TMEM132D: variants seen among roughly 807,000 people sequenced by gnomAD.
TMEM132D encodes mature OL transmembrane protein.
Under a neutral mutation model 62.3 loss-of-function variants are expected in TMEM132D, and 21 were observed. That is an observed-to-expected ratio of 0.34 (90% CI 0.24 to 0.49). The LOEUF (loss-of-function observed/expected upper bound fraction) is 0.49. TMEM132D is among the 20% of genes least tolerant of loss of function. The pLI is 0.99. For synonymous variants in TMEM132D, 621 were observed against 575.6 expected, an observed-to-expected ratio of 1.08 and a Z score of -1.13; for missense variants, 1,346 against 1,402.8, an observed-to-expected ratio of 0.96 and a Z score of 0.65.
chr12:129,514,746 G>A (rs1273526225), intron 3 of TMEM132D, among the ~76,000 whole-genome samples: 1 of 152,210 alleles, frequency 6.6e-6, no homozygotes, highest in Non-Finnish European at 1.5e-5. Flanking sequence ...TGATGTTTAA[G>A]ATGGTTAGAA....
chr12:129,873,210 G>T (rs1163061437), intron 1 of TMEM132D, among the ~76,000 whole-genome samples: 1 of 152,154 alleles, frequency 6.6e-6, no homozygotes, highest in African/African-American at 2.4e-5. Flanking sequence ...GACATATGCA[G>T]CACGGACTAT....
chr12:129,717,782 G>C (rs1489038742), intron 1 of TMEM132D, among the ~76,000 whole-genome samples: 1 of 152,114 alleles, frequency 6.6e-6, no homozygotes, highest in East Asian at 1.9e-4. Context: ...ACCCAGAGGT[G>C]TCAAAACTTA....
At chr12:129,603,819 G>T (rs543309553) in intron 2 of TMEM132D, among the ~76,000 whole-genome samples, 3 of 152,286 alleles carry the variant, frequency 2.0e-5, no homozygotes, top group African/African-American at 7.2e-5. Context: ...CCATTACTGC[G>T]TATATACCCA....
chr12:129,625,825 G>A (rs1255052726), intron 2 of TMEM132D, among the ~76,000 whole-genome samples: 1 of 152,146 alleles, frequency 6.6e-6, no homozygotes, highest in African/African-American at 2.4e-5. Context: ...TTTAAATAAT[G>A]CCCACTCAGA....
At chr12:129,267,653 G>T (rs768855842) in intron 4 of TMEM132D, among the ~76,000 whole-genome samples, 1 of 152,148 alleles carries the variant, frequency 6.6e-6, no homozygotes, top group African/African-American at 2.4e-5. Context: ...AGCTACCAAT[G>T]ACTTTCTTCA....
intron 2 of TMEM132D, among the ~76,000 whole-genome samples, chr12:129,537,640 T>C (rs1254991707): frequency 6.6e-6 from 1 of 152,236 alleles, no homozygotes; most frequent in Non-Finnish European, 1.5e-5. Context: ...CAACCCATTT[T>C]TGCTGTCTTG....
intron 4 of TMEM132D, among the ~76,000 whole-genome samples, chr12:129,240,353 G>A (rs1312143643): frequency 1.3e-5 from 2 of 152,068 alleles, no homozygotes; most frequent in African/African-American, 2.4e-5. Context: ...AAACTGGTTT[G>A]AATATCCCCC....
intron 3 of TMEM132D, among the ~76,000 whole-genome samples, chr12:129,435,923 C>T (rs1035979108): frequency 3.9e-5 from 6 of 152,126 alleles, no homozygotes; most frequent in African/African-American, 1.4e-4. Flanking sequence ...TCCAGCGTCC[C>T]TTGTAGCTAG....
At chr12:129,490,596 A>ATTTTTTTTTT (rs35535325) in intron 3 of TMEM132D, among the ~76,000 whole-genome samples, 41 of 71,110 alleles carry the variant, frequency 5.8e-4, no homozygotes, top group African/African-American at 1.6e-3. Flanking sequence ...CGCCCGGCTA[A>ATTTTTTTTTT]TTTTTTTTTT....
chr12:129,650,350 T>A (rs2137182576), intron 2 of TMEM132D, among the ~76,000 whole-genome samples: 1 of 152,304 alleles, frequency 6.6e-6, no homozygotes, highest in Admixed American at 6.5e-5. Flanking sequence ...GATTCAGACG[T>A]TGTATTTTTG....
At chr12:129,890,965 TC>T (rs776009475) in intron 1 of TMEM132D, among the ~76,000 whole-genome samples, 1 of 152,088 alleles carries the variant, frequency 6.6e-6, no homozygotes, top group Non-Finnish European at 1.5e-5. Context: ...CCTCCCGAAT[TC>T]CATGGAGGTC....
intron 1 of TMEM132D, among the ~76,000 whole-genome samples, chr12:129,888,473 G>A (rs894371687): frequency 1.7e-4 from 26 of 152,260 alleles, no homozygotes; most frequent in African/African-American, 6.0e-4. Context: ...CGAGGCAGGA[G>A]GATCACCTGA....
chr12:129,781,971 G>C (rs966698791), intron 1 of TMEM132D, among the ~76,000 whole-genome samples: 1 of 152,130 alleles, frequency 6.6e-6, no homozygotes, highest in Non-Finnish European at 1.5e-5. Context: ...ACACAACCTC[G>C]TATGTAATGC....
In TMEM132D at chr12:129,074,996, C is replaced by A. The variant is rs546922206; in HGVS notation, c.2179G>T (p.Asp727Tyr). Residue 727 changes from aspartate to tyrosine, a missense_variant, in exon 9 of 9, where the codon GAT becomes TAT. Coordinates refer to ENST00000422113, the MANE Select transcript of TMEM132D (RefSeq NM_133448.3). ...DGSVTPLDIY[D>Y]GKDFSLMATS... is the part of the protein sequence containing the mutation. ...GCCATCAAGGAGAAGTCTTTCCCAT[C>A]GTAAATATCCAAGGGCGTGACTGAG... is the stretch of plus-strand genomic sequence containing the variant. The A allele has an allele frequency of 6.2e-7, 1 of 1,613,738 alleles. No homozygotes were observed. Among genetic ancestry groups the A allele is most frequent in the Non-Finnish European group, 8.5e-7 (1 of 1,180,000 alleles).
intron 5 of TMEM132D, among the ~76,000 whole-genome samples, chr12:129,196,067 C>T (rs1878541172): frequency 6.6e-6 from 1 of 151,884 alleles, no homozygotes; most frequent in Non-Finnish European, 1.5e-5. Flanking sequence ...GTGGAGGCTA[C>T]AGTGAGCTGA....
chr12:129,457,290 G>A (rs1873503686), intron 3 of TMEM132D, among the ~76,000 whole-genome samples: 1 of 151,574 alleles, frequency 6.6e-6, no homozygotes, highest in South Asian at 2.1e-4. Flanking sequence ...GTCCTTTGTA[G>A]GGACATGGAT....
At chr12:129,225,297 A>G (rs1161624012) in intron 4 of TMEM132D, among the ~76,000 whole-genome samples, 1 of 152,182 alleles carries the variant, frequency 6.6e-6, no homozygotes, top group African/African-American at 2.4e-5. Flanking sequence ...GAACTCCTCA[A>G]CCAGCCTGGG....
chr12:129,877,165 T>TATATTAATA lies in TMEM132D; in HGVS notation c.79+26095_79+26096insTATTAATAT, dbSNP rs1270095607. On this transcript the variant is annotated intron_variant, in intron 1 of 8. Coordinates refer to ENST00000422113, the MANE Select transcript of TMEM132D (RefSeq NM_133448.3). ...CTATTAATATTAGTTTAACTATGAATATTATATTTATAATTATGTAATATT... is the reference window on the plus strand; with the variant it reads ...CTATTAATATTAGTTTAACTATGAATATATTAATAATTATATTTATAATTATGTAATATT... 2.4e-3 allele frequency among the ~76,000 whole-genome samples: 351 copies of TATATTAATA among 148,332 alleles called. 5 individuals are homozygous for TATATTAATA. Among genetic ancestry groups the TATATTAATA allele is most frequent in the African/African-American group, 7.8e-3 (318 of 40,980 alleles).
chr12:129,526,251 C>T (rs956303850), intron 3 of TMEM132D, among the ~76,000 whole-genome samples: 5 of 152,056 alleles, frequency 3.3e-5, no homozygotes, highest in Admixed American at 2.6e-4. Flanking sequence ...ATAGAGGTTG[C>T]TGGTTGCCCC....
Sources: gnomAD v4.1 joint callset for allele counts (sites outside exome capture counted in the v4.1 genomes callset) on GRCh38, gnomAD v4.1.1 for gene constraint, MANE v1.5 for transcripts, NCBI Gene and HGNC (gene_info 2026-07-23, HGNC 2026-07-21) for gene names.